UBA6: variants seen among roughly 807,000 people sequenced by gnomAD.
UBA6 encodes ubiquitin like modifier activating enzyme 6.
In UBA6, 87 loss-of-function variants were observed where a neutral mutation model predicts 148.3. The observed-to-expected ratio is 0.59, with a 90% CI of 0.49 to 0.70. UBA6 has a LOEUF of 0.70. Ranked by LOEUF, UBA6 falls within the 30% of genes least tolerant of loss-of-function variation. The pLI is 0.00. For synonymous variants in UBA6, 376 were observed against 401.0 expected (o/e 0.94, Z 0.75); for missense variants, 1,186 against 1,241.2 (o/e 0.96, Z 0.67).
At chr4:67,650,000 T>C (rs2109920704) in intron 13 of UBA6, among the ~76,000 whole-genome samples, 2 of 152,242 alleles carry the variant, frequency 1.3e-5, no homozygotes, top group African/African-American at 4.8e-5. Flanking sequence ...CTCTCAAAAA[T>C]ATTTGTGACA....
chr4:67,663,167 C>T lies in UBA6; in HGVS notation c.1009G>A (p.Glu337Lys), dbSNP rs1390054703. ...ACATTTGGCTTGCGACTGTATTTCT[C>T]CTGAAACTGGTCCAAGGCAAGCATA... is the stretch of plus-strand genomic sequence containing the variant. ...TAMLALDQFQ[E>K]KYSRKPNVGC... Residue 337 changes from glutamate to lysine, a missense_variant, in exon 12 of 33, where the codon GAG becomes AAG. Glu to Lys is a moderately conservative substitution (Grantham distance 56). Coordinates refer to ENST00000322244, the MANE Select transcript of UBA6 (RefSeq NM_018227.6). 2 of 1,611,194 alleles carry T rather than the reference C, an allele frequency of 1.2e-6. No individual in the cohort carries two copies. Among genetic ancestry groups the T allele is most frequent in the Admixed American group, 1.7e-5 (1 of 59,310 alleles).
At position 67,631,919 on chromosome 4, in the gene UBA6, A is replaced by G. The variant is rs1729007968; in HGVS notation, c.2143-11T>C. On this transcript the variant is annotated splice_polypyrimidine_tract_variant and intron_variant, in intron 23 of 32. Transcript: ENST00000322244. The stretch of plus-strand genomic sequence containing the variant: ...AAGAAGCTGAAGAGCCTAAAGAAAA[A>G]AAATGAATTAAAGACACCCACTACT... 1.2e-6 allele frequency: 2 copies of G among 1,608,096 alleles called. No homozygotes were observed. Among genetic ancestry groups the G allele is most frequent in the Middle Eastern group, 1.7e-4 (1 of 5,920 alleles).
chr4:67,653,202 G>A (rs1729596851), intron 13 of UBA6, among the ~76,000 whole-genome samples: 2 of 152,198 alleles, frequency 1.3e-5, no homozygotes, highest in Admixed American at 6.5e-5. Context: ...TTCAAGCTCT[G>A]AGAACAGACA....
At position 67,634,263 on chromosome 4, in the gene UBA6, T is replaced by C; in HGVS notation, c.1992A>G (p.Ser664=). 1 of 1,596,716 alleles carries C rather than the reference T, an allele frequency of 6.3e-7. No individual in the cohort carries two copies. The highest frequency in any genetic ancestry group is 8.5e-7 in the Non-Finnish European group (1 of 1,175,394). ...SLFNKFWQTY[S]SAEEVLQKIQ... ...TTACCTGTAAGACTTCTTCTGCAGATGAATAGGTTTGCCAAAATTTGTTAA... is the reference window on the plus strand; with the variant it reads ...TTACCTGTAAGACTTCTTCTGCAGACGAATAGGTTTGCCAAAATTTGTTAA... The change falls in exon 22 of 33, where the codon TCA becomes TCG. Residue 664 remains serine (S), a synonymous_variant. Transcript: ENST00000322244.
chr4:67,625,278 G>T, intron 28 of UBA6, 91 bp from the exon 29 acceptor site: 2 of 984,026 alleles, frequency 2.0e-6, no homozygotes, highest in Non-Finnish European at 2.8e-6. Context: ...AACTTTCAAA[G>T]ATTCCTTTTT....
rs756365292 is a variant in UBA6 at position 67,663,908 on chromosome 4, T to C, written c.937A>G (p.Ile313Val). Residue 313 changes from isoleucine (I) to valine (V), a missense_variant, in exon 11 of 33, where the codon ATT (isoleucine) becomes GTT (valine). By Grantham distance (29) the Ile-to-Val change is conservative. Coordinates refer to ENST00000322244, the MANE Select transcript of UBA6 (RefSeq NM_018227.6). ...ERQLKHPKCLIVDFSNPEAPL... is the reference protein window; with the variant it reads ...ERQLKHPKCLVVDFSNPEAPL... ...ACCTCAGGGTTGCTAAAATCCACAA[T>C]AAGGCACTTTGGATGTTTTAACTGC... 3.7e-6 allele frequency: 6 copies of C among 1,613,554 alleles called. No homozygotes were observed. The highest frequency in any genetic ancestry group is 5.1e-6 in the Non-Finnish European group (6 of 1,179,708).
At chr4:67,689,785 G>A (rs990025197) in intron 2 of UBA6, among the ~76,000 whole-genome samples, 16 of 151,954 alleles carry the variant, frequency 1.1e-4, no homozygotes, top group African/African-American at 3.4e-4. Context: ...CTTAGGCAAC[G>A]TACCTAGTCT....
At position 67,670,520 on chromosome 4, in the gene UBA6, C is replaced by T; in HGVS notation, c.619G>A (p.Asp207Asn). Residue 207 changes from aspartate (D) to asparagine (N), a missense_variant, in exon 8 of 33, where the codon GAT becomes AAT. Coordinates refer to ENST00000322244, the MANE Select transcript of UBA6 (RefSeq NM_018227.6). ...TCTTTTGGTTCTTCTCCTGTTGTAT[C>T]TAAAACTTCAAATTCATCACCGAAA... ...CDFGDEFEVL[D>N]TTGEEPKEIF... The T allele has an allele frequency of 6.2e-7, 1 of 1,602,338 alleles. No individual in the cohort carries two copies. The highest frequency in any genetic ancestry group is 8.6e-7 in the Non-Finnish European group (1 of 1,169,454).
chr4:67,657,826 C>CAAAAAAAAAAATAA (rs1729737729), intron 13 of UBA6, among the ~76,000 whole-genome samples: 1 of 115,156 alleles, frequency 8.7e-6, no homozygotes, highest in Non-Finnish European at 1.7e-5. Context: ...AACAAATTTA[C>CAAAAAAAAAAATAA]AAAAAAAAAA....
At chr4:67,654,356 T>C (rs1342378078) in intron 13 of UBA6, among the ~76,000 whole-genome samples, 1 of 152,130 alleles carries the variant, frequency 6.6e-6, no homozygotes, top group African/African-American at 2.4e-5. Context: ...AAACCCTCCA[T>C]GCCAGAAGAG....
In UBA6 at chr4:67,618,994, G is replaced by A. The variant is rs1728690289; in HGVS notation, c.*3C>T. ...TCCTGGAGTAACGTTAAGACAACTT[G>A]TATTAATCAGTGTCATGACTGAAGT... On this transcript the variant is annotated 3_prime_UTR_variant, in exon 33 of 33. Transcript: ENST00000322244. The A allele has an allele frequency of 1.2e-6, 2 of 1,612,594 alleles. No homozygotes were observed. The highest frequency in any genetic ancestry group is 3.4e-5 in the Admixed American group (2 of 59,692).
At chr4:67,676,917 A>C (rs1730294624) in intron 6 of UBA6, among the ~76,000 whole-genome samples, 1 of 151,012 alleles carries the variant, frequency 6.6e-6, no homozygotes, top group African/African-American at 2.4e-5. Flanking sequence ...AAAAAAAATC[A>C]GGGTCAACCT....
chr4:67,678,282 TA>T lies in UBA6; in HGVS notation c.353+156del, dbSNP rs549986021. Reference sequence around the variant, plus strand: ...AAGGAAATATTCTAAGTAAATGAGTTAAAAAAAAACTCATAATACATAAAAA... The same window carrying T: ...AAGGAAATATTCTAAGTAAATGAGTTAAAAAAAACTCATAATACATAAAAA... On this transcript the variant is annotated intron_variant, in intron 5 of 32. Transcript: ENST00000322244. 553 of 382,926 alleles carry T rather than the reference TA, an allele frequency of 1.4e-3. 1 individual carries two copies. Among genetic ancestry groups the T allele is most frequent in the African/African-American group, 2.7e-3 (128 of 47,186 alleles). 23.7% of individuals were successfully genotyped at this position (382,926 alleles called of 1,614,324 possible).
Position 67,673,700 on chromosome 4 carries a change from A to G in UBA6, c.543T>C (p.Ile181=), listed in dbSNP as rs942424176. The G allele has an allele frequency of 6.2e-7, 1 of 1,606,948 alleles. No individual in the cohort carries two copies. The highest frequency in any genetic ancestry group is 8.5e-7 in the Non-Finnish European group (1 of 1,174,750). ...CATTACTAAATGATACAATTACCTT[A>G]ATTGGAGGGCACTGAGAACGGCAAA... The part of the protein sequence containing the change: ...NDFCRSQCPP[I]KFISADVHGI... The change falls in exon 7 of 33, where the codon ATT becomes ATC. Residue 181 remains isoleucine, a synonymous_variant. Transcript: ENST00000322244.
intron 4 of UBA6, among the ~76,000 whole-genome samples, chr4:67,680,914 A>G (rs930902961): frequency 3.9e-5 from 6 of 152,182 alleles, no homozygotes; most frequent in Non-Finnish European, 8.8e-5. Context: ...CAGTTTAACA[A>G]TACATGAAGA....
chr4:67,692,995 T>C (rs979006974), intron 2 of UBA6, among the ~76,000 whole-genome samples: 10 of 152,110 alleles, frequency 6.6e-5, no homozygotes, highest in Non-Finnish European at 1.2e-4. Context: ...CTAAAGAAAA[T>C]GACAGGAGGA....
At chr4:67,652,592 A>C (rs1028107130) in intron 13 of UBA6, among the ~76,000 whole-genome samples, 6 of 152,150 alleles carry the variant, frequency 3.9e-5, no homozygotes, top group Admixed American at 3.9e-4. Flanking sequence ...GCTCGTCTGC[A>C]GCTCCCAGCG....
chr4:67,686,971 A>C (rs1441612926), intron 2 of UBA6, among the ~76,000 whole-genome samples: 13 of 112,236 alleles, frequency 1.2e-4, no homozygotes, highest in South Asian at 6.9e-4. Flanking sequence ...AAAAAAAAAA[A>C]AAAAAAAAAA....
rs1246246489 is a variant in UBA6 at position 67,632,940 on chromosome 4, A to C, written c.2142+405T>G. 1.3e-5 allele frequency among the ~76,000 whole-genome samples: 2 copies of C among 152,192 alleles called. 1 individual carries two copies. Among genetic ancestry groups the C allele is most frequent in the African/African-American group, 4.8e-5 (2 of 41,456 alleles). On this transcript the variant is annotated intron_variant, in intron 23 of 32. Coordinates refer to ENST00000322244, the MANE Select transcript of UBA6 (RefSeq NM_018227.6). ...GCAACTATATTTAACTGGAGGTAAG[A>C]ATAACAGCTAATATTTAGTAATTTT... is the stretch of plus-strand genomic sequence containing the variant.
Sources: allele counts gnomAD v4.1 joint callset (sites outside exome capture counted in the v4.1 genomes callset), GRCh38; gene constraint gnomAD v4.1.1; transcripts MANE v1.5; gene names NCBI Gene and HGNC (gene_info 2026-07-23, HGNC 2026-07-21).